The following RORA variants were observed in gnomAD, a reference collection of about 807,000 sequenced individuals.
RORA encodes nuclear receptor ROR-alpha.
Under a neutral mutation model 69.5 loss-of-function variants are expected in RORA, and 7 were observed. The ratio of observed to expected loss-of-function variants is 0.10; its 90% confidence interval spans 0.06 to 0.19. The LOEUF (loss-of-function observed/expected upper bound fraction) is 0.19, where lower values mean the gene tolerates loss of function less well. RORA is among the 10% of genes least tolerant of loss of function. RORA has a pLI of 1.00. For synonymous variants in RORA, 261 were observed against 240.8 expected (o/e 1.08, Z -0.78); for missense variants, 457 against 663.0 (o/e 0.69, Z 3.41).
chr15:61,054,352 G>A (rs2078060467), intron 1 of RORA, among the ~76,000 whole-genome samples: 1 of 151,342 alleles, frequency 6.6e-6, no homozygotes, highest in Non-Finnish European at 1.5e-5. Flanking sequence ...AGATGCAACA[G>A]AATTAATCTT....
intron 1 of RORA, among the ~76,000 whole-genome samples, chr15:61,168,990 T>G (rs1365607237): frequency 6.6e-6 from 1 of 152,186 alleles, no homozygotes; most frequent in Non-Finnish European, 1.5e-5. Context: ...TCTTTCTCCC[T>G]CCAAGCCACA....
At chr15:60,583,902 T>C (rs2068260202) in intron 2 of RORA, among the ~76,000 whole-genome samples, 2 of 152,200 alleles carry the variant, frequency 1.3e-5, no homozygotes, top group South Asian at 2.1e-4. Flanking sequence ...TTCCCAAACC[T>C]GTCTTATCCT....
chr15:60,788,900 C>T (rs908882251), intron 1 of RORA, among the ~76,000 whole-genome samples: 5 of 152,186 alleles, frequency 3.3e-5, no homozygotes, highest in African/African-American at 1.2e-4. Flanking sequence ...CATTTCACAC[C>T]ACATTAATTT....
intron 1 of RORA, among the ~76,000 whole-genome samples, chr15:60,926,001 G>A (rs553513206): frequency 6.6e-6 from 1 of 152,314 alleles, no homozygotes; most frequent in East Asian, 1.9e-4. Context: ...TGACATGATT[G>A]GAGGCACCCC....
chr15:60,523,050 CAAA>C (rs371105995), intron 3 of RORA, among the ~76,000 whole-genome samples: 4 of 148,330 alleles, frequency 2.7e-5, no homozygotes, highest in African/African-American at 7.5e-5. Flanking sequence ...AAAAAAAACA[CAAA>C]AAAAAAAACT....
At chr15:61,218,200 T>A (rs1414787518) in intron 1 of RORA, among the ~76,000 whole-genome samples, 1 of 152,080 alleles carries the variant, frequency 6.6e-6, no homozygotes, top group Non-Finnish European at 1.5e-5. Flanking sequence ...TGTGTGTGTG[T>A]GTGTGTGTAC....
chr15:60,607,735 T>G (rs2068985002), intron 2 of RORA, among the ~76,000 whole-genome samples: 1 of 152,220 alleles, frequency 6.6e-6, no homozygotes, highest in South Asian at 2.1e-4. Context: ...AGGGCTCAAG[T>G]TTATTTATAC....
At chr15:61,182,008 C>T (rs1276067890) in intron 1 of RORA, among the ~76,000 whole-genome samples, 2 of 152,178 alleles carry the variant, frequency 1.3e-5, no homozygotes, top group South Asian at 2.1e-4. Context: ...ATTTCTCATT[C>T]ATTAGCCTGA....
rs3054672 is a variant in RORA at position 61,218,674 on chromosome 15, TCACACACACACA to T, written c.166+10367_166+10378del. Among the ~76,000 whole-genome samples, 280 of 142,950 alleles carry T rather than the reference TCACACACACACA, an allele frequency of 2.0e-3. 2 individuals carry two copies. Among genetic ancestry groups the T allele is most frequent in the Non-Finnish European group, 2.6e-3 (172 of 65,426 alleles). 93.8% of individuals were successfully genotyped at this position (142,950 alleles called of 152,430 possible). ...GTCCAAGTTAATTTACTAATATAAC[TCACACACACACA>T]CACACACACACACACACACACACAA... On this transcript the variant is annotated intron_variant, in intron 1 of 10. Transcript: ENST00000335670.
In RORA at chr15:60,907,708, GT is replaced by G. The variant is rs553808638; in HGVS notation, c.167-229023del. On this transcript the variant is annotated intron_variant, in intron 1 of 10. Transcript: ENST00000335670. ...TGGGCTGAGGATGCCCACATTTAGC[GT>G]TTTTTTTCTCAGAAATACTCTGCCA... Among the ~76,000 whole-genome samples the G allele has an allele frequency of 1.1e-4, 17 of 151,834 alleles. No homozygotes were observed. The South Asian group carries it at 1.3e-3, about 11-fold the overall frequency.
chr15:61,032,688 A>G (rs1459295266), intron 1 of RORA, among the ~76,000 whole-genome samples: 3 of 152,300 alleles, frequency 2.0e-5, no homozygotes, highest in Admixed American at 6.5e-5. Context: ...GTTTTCTAAC[A>G]CAGCCCAGAC....
intron 1 of RORA, among the ~76,000 whole-genome samples, chr15:61,033,560 C>T (rs1051208872): frequency 1.2e-4 from 19 of 152,098 alleles, no homozygotes; most frequent in African/African-American, 4.6e-4. Context: ...GATAGTAGCT[C>T]CATATAAATA....
chr15:60,996,363 C>T (rs998980348), intron 1 of RORA, among the ~76,000 whole-genome samples: 5 of 152,238 alleles, frequency 3.3e-5, no homozygotes, highest in East Asian at 3.9e-4. Context: ...TGAGCCACCA[C>T]GCCCAGCCCT....
At chr15:60,816,564 G>A (rs1382514396) in intron 1 of RORA, among the ~76,000 whole-genome samples, 1 of 135,122 alleles carries the variant, frequency 7.4e-6, no homozygotes, top group African/African-American at 2.8e-5. Context: ...ACTGTAAACA[G>A]TATATGTATT....
At chr15:60,753,353 A>G (rs2071753941) in intron 1 of RORA, among the ~76,000 whole-genome samples, 1 of 152,308 alleles carries the variant, frequency 6.6e-6, no homozygotes, top group Admixed American at 6.5e-5. Context: ...CATCCATTCA[A>G]CAAGTATTTA....
intron 3 of RORA, among the ~76,000 whole-genome samples, chr15:60,522,195 T>TAAAAA (rs1372806116): frequency 6.6e-6 from 1 of 152,196 alleles, no homozygotes; most frequent in Non-Finnish European, 1.5e-5. Context: ...TAATGATTAT[T>TAAAAA]TTACTGTTAT....
At chr15:60,505,964 T>G (rs935243878) in intron 5 of RORA, among the ~76,000 whole-genome samples, 3 of 152,222 alleles carry the variant, frequency 2.0e-5, no homozygotes, top group Non-Finnish European at 1.5e-5. Context: ...GTGCTTCTTC[T>G]TGGCATTTTT....
intron 2 of RORA, chr15:60,592,486 G>GCGC (rs1237069026): frequency 4.5e-6 from 6 of 1,342,052 alleles, no homozygotes; most frequent in African/African-American, 1.5e-5. Context: ...TGCCGCCGCC[G>GCGC]CGCCGCCGCC....
intron 1 of RORA, among the ~76,000 whole-genome samples, chr15:61,047,902 C>G (rs1175382988): frequency 1.3e-5 from 2 of 152,158 alleles, no homozygotes; most frequent in African/African-American, 2.4e-5. Context: ...GACCCATTTT[C>G]CACGACAGAA....
Sources: gnomAD v4.1 joint callset for allele counts (sites outside exome capture counted in the v4.1 genomes callset) on GRCh38, gnomAD v4.1.1 for gene constraint, MANE v1.5 for transcripts, NCBI Gene and HGNC (gene_info 2026-07-23, HGNC 2026-07-21) for gene names.